DENND2A: variants seen among roughly 807,000 people sequenced by gnomAD.
The protein encoded by DENND2A is DENN domain containing 2A.
DENND2A carries 53 observed loss-of-function variants against 105.3 expected under a neutral mutation model. The ratio of observed to expected loss-of-function variants is 0.50; its 90% CI spans 0.40 to 0.63. The LOEUF (loss-of-function observed/expected upper bound fraction) is 0.63, where lower values mean the gene tolerates loss of function less well. DENND2A is among the 30% of genes least tolerant of loss of function. DENND2A has a pLI of 0.00. For missense variants in DENND2A, 1,138 were observed against 1,279.6 expected (o/e 0.89, Z 1.69); for synonymous variants, 522 against 508.4 (o/e 1.03, Z -0.36).
intron 5 of DENND2A, among the ~76,000 whole-genome samples, chr7:140,580,601 T>C (rs1798502126): frequency 6.6e-6 from 1 of 152,130 alleles, no homozygotes; most frequent in African/African-American, 2.4e-5. Flanking sequence ...ATTACAGGCA[T>C]GGACCACTGC....
At chr7:140,595,759 C>A (rs1425054987) in intron 3 of DENND2A, among the ~76,000 whole-genome samples, 1 of 151,584 alleles carries the variant, frequency 6.6e-6, no homozygotes, top group Non-Finnish European at 1.5e-5. Context: ...CAGAGCAAGA[C>A]CCTGTTTAAA....
intron 5 of DENND2A, 94 bp downstream of exon 5, chr7:140,585,495 G>A: frequency 6.5e-7 from 1 of 1,549,262 alleles, no homozygotes; most frequent in Non-Finnish European, 8.8e-7. Flanking sequence ...AGGTGGAGGT[G>A]GCCTGGAATT....
At chr7:140,532,781 C>T (rs1411605561) in intron 14 of DENND2A, among the ~76,000 whole-genome samples, 2 of 152,016 alleles carry the variant, frequency 1.3e-5, no homozygotes, top group Non-Finnish European at 2.9e-5. Context: ...GCTACTGAAT[C>T]CCAGAGGCTG....
At chr7:140,633,566 A>G (rs1291871679) in intron 1 of DENND2A, among the ~76,000 whole-genome samples, 1 of 152,094 alleles carries the variant, frequency 6.6e-6, no homozygotes, top group South Asian at 2.1e-4. Context: ...TTTGACCATT[A>G]TTGCATCTTC....
In DENND2A at chr7:140,518,630, C is replaced by G; in HGVS notation, c.*77G>C. ...GCACCGTGACAACCTGGGACCCAGC[C>G]TTTCAGAAAGGCCACCAGGAACTGT... On this transcript the variant is annotated 3_prime_UTR_variant, in exon 20 of 20. Coordinates refer to ENST00000496613, the MANE Select transcript of DENND2A (RefSeq NM_015689.5). 6.6e-7 allele frequency: 1 copy of G among 1,506,582 alleles called. No individual in the cohort carries two copies. The highest frequency in any genetic ancestry group is 9.2e-7 in the Non-Finnish European group (1 of 1,087,146). The allele number at this position is 1,506,582 out of a possible 1,614,324, so 93.3% of individuals were successfully genotyped here.
chr7:140,568,108 T>C (rs1563147301), intron 8 of DENND2A, among the ~76,000 whole-genome samples: 1 of 152,148 alleles, frequency 6.6e-6, no homozygotes, highest in Admixed American at 6.5e-5. Context: ...ACCTGGCTAA[T>C]TTTTCATATT....
At chr7:140,599,009 C>T (rs1195675770) in intron 3 of DENND2A, among the ~76,000 whole-genome samples, 1 of 151,866 alleles carries the variant, frequency 6.6e-6, no homozygotes, top group Non-Finnish European at 1.5e-5. Context: ...TTATTAGCAA[C>T]ATTAAGAACT....
intron 16 of DENND2A, among the ~76,000 whole-genome samples, chr7:140,524,028 C>T (rs1795956943): frequency 6.6e-6 from 1 of 152,172 alleles, no homozygotes. Flanking sequence ...ATTTCCACTG[C>T]TCCATCCTGT....
intron 12 of DENND2A, among the ~76,000 whole-genome samples, chr7:140,553,848 A>T (rs1191133877): frequency 6.6e-6 from 1 of 152,224 alleles, no homozygotes; most frequent in Non-Finnish European, 1.5e-5. Flanking sequence ...AAGGCAGAAG[A>T]ATTTTTCTTA....
intron 3 of DENND2A, among the ~76,000 whole-genome samples, chr7:140,591,879 C>G (rs1192504761): frequency 2.6e-5 from 3 of 114,134 alleles, no homozygotes; most frequent in African/African-American, 8.1e-5. Context: ...TCCTTCCTTC[C>G]TTCTTTCTTT....
intron 14 of DENND2A, among the ~76,000 whole-genome samples, chr7:140,540,525 G>A (rs1316350509): frequency 2.0e-5 from 3 of 152,344 alleles, no homozygotes; most frequent in Admixed American, 6.5e-5. Context: ...GAACAGCCAA[G>A]GCCCAGGAAT....
At chr7:140,585,802 G>A in intron 4 of DENND2A, 92 bp from the exon 5 acceptor site, 1 of 1,567,368 alleles carries the variant, frequency 6.4e-7, no homozygotes, top group Non-Finnish European at 8.7e-7. Flanking sequence ...CCTCTCCTGT[G>A]TCCATTCTTG....
chr7:140,547,277 G>T (rs978799221), intron 12 of DENND2A, among the ~76,000 whole-genome samples: 2 of 152,174 alleles, frequency 1.3e-5, no homozygotes, highest in Non-Finnish European at 2.9e-5. Context: ...GGTAAGAACT[G>T]GTTTTTGGGA....
At chr7:140,574,053 G>C in intron 5 of DENND2A, 45 bp from the exon 6 acceptor site, 1 of 1,604,832 alleles carries the variant, frequency 6.2e-7, no homozygotes, top group Non-Finnish European at 8.5e-7. Context: ...ATTCAAAGGA[G>C]ACTGACCGGG....
At chr7:140,631,208 T>C (rs574844917) in intron 1 of DENND2A, among the ~76,000 whole-genome samples, 1 of 152,178 alleles carries the variant, frequency 6.6e-6, no homozygotes, top group South Asian at 2.1e-4. Context: ...TTTCAGCAGA[T>C]GGATAGGAAT....
chr7:140,527,575 A>G lies in DENND2A; in HGVS notation c.2328-80T>C. ...GCCTCCAGGGGAGAAGGCTCCTCCCAGAGACAGGATGACTAGGAAAGGACA... is the reference window on the plus strand; with the variant it reads ...GCCTCCAGGGGAGAAGGCTCCTCCCGGAGACAGGATGACTAGGAAAGGACA... On this transcript the variant is annotated intron_variant, in intron 14 of 19. Transcript: ENST00000496613. This position sits in a 1 kb window ranked among gnomAD's most constrained non-coding sequence, Gnocchi z 4.9. 1 of 1,410,560 alleles carries G rather than the reference A, an allele frequency of 7.1e-7. No individual in the cohort carries two copies. Among genetic ancestry groups the G allele is most frequent in the East Asian group, 2.4e-5 (1 of 42,300 alleles). The allele number at this position is 1,410,560 out of a possible 1,614,324, so 87.4% of individuals were successfully genotyped here.
intron 1 of DENND2A, among the ~76,000 whole-genome samples, chr7:140,624,922 G>A (rs1303561551): frequency 6.7e-6 from 1 of 148,678 alleles, no homozygotes; most frequent in Non-Finnish European, 1.5e-5. Context: ...CAAGGCTGGA[G>A]CGCAGTGATG....
intron 1 of DENND2A, among the ~76,000 whole-genome samples, chr7:140,628,536 CTT>C (rs987018660): frequency 2.0e-3 from 227 of 116,090 alleles, no homozygotes; most frequent in African/African-American, 6.8e-3. Context: ...AAATTTCTTT[CTT>C]TTTTTTTTTT....
rs747682206 is a variant in DENND2A, at chr7:140,559,113, G to GCA, written c.1889+594_1889+595insTG. On this transcript the variant is annotated intron_variant, in intron 10 of 19. Transcript: ENST00000496613. The surrounding 1 kb of genome is among the most constrained non-coding windows in gnomAD (Gnocchi z 4.1). ...TCATCTAGGGATGTGACTCGGTGAG[G>GCA]GAGCAGCGGAAGATGGGGACAGTTC... Among the ~76,000 whole-genome samples the GCA allele has an allele frequency of 1.3e-4, 20 of 152,270 alleles. No homozygotes were observed. Among genetic ancestry groups the GCA allele is most frequent in the Admixed American group, 4.6e-4 (7 of 15,278 alleles).
Sources: allele counts gnomAD v4.1 joint callset (sites outside exome capture counted in the v4.1 genomes callset), GRCh38; gene constraint gnomAD v4.1.1; non-coding constraint Gnocchi (gnomAD v3.1); transcripts MANE v1.5; gene names NCBI Gene and HGNC (gene_info 2026-07-23, HGNC 2026-07-21).